The following KIAA1328 variants were observed in gnomAD, a reference collection of about 807,000 sequenced individuals.
KIAA1328 encodes protein hinderin.
KIAA1328 carries 52 observed loss-of-function variants against 68.1 expected under a neutral mutation model. The observed-to-expected ratio is 0.76, with a 90% CI of 0.61 to 0.96. The LOEUF (loss-of-function observed/expected upper bound fraction) is 0.96, where lower values mean the gene tolerates loss of function less well. Among genes scored for constraint, KIAA1328 ranks in the 40% least tolerant of loss-of-function variants. KIAA1328 has a pLI of 0.00. For missense variants in KIAA1328, 641 were observed against 677.6 expected, an observed-to-expected ratio of 0.95 and a Z score of 0.60; for synonymous variants, 232 against 239.4, an observed-to-expected ratio of 0.97 and a Z score of 0.28.
At chr18:37,059,370 T>G (rs1397175582) in intron 6 of KIAA1328, among the ~76,000 whole-genome samples, 1 of 151,714 alleles carries the variant, frequency 6.6e-6, no homozygotes, top group Non-Finnish European at 1.5e-5. Flanking sequence ...CATCAAAAAG[T>G]GGGCAAAGGG....
Position 37,224,559 on chromosome 18 carries a change from G to T in KIAA1328, c.*2332G>T. On this transcript the variant is annotated 3_prime_UTR_variant, in exon 10 of 10. Transcript: ENST00000280020. ...TAATCTAATGTCTTCATTATTAATTGAATAGTACATGTTAACATTTTAATC... is the reference window on the plus strand; with the variant it reads ...TAATCTAATGTCTTCATTATTAATTTAATAGTACATGTTAACATTTTAATC... 9.3e-6 allele frequency: 9 copies of T among 968,130 alleles called. No homozygotes were observed. Among genetic ancestry groups the T allele is most frequent in the Non-Finnish European group, 1.1e-5 (9 of 814,248 alleles). The allele number at this position is 968,130 out of a possible 1,614,324, so 60.0% of individuals were successfully genotyped here. A position where few individuals can be genotyped will look rare whatever the true frequency, so the allele number is the denominator to read the frequency against.
intron 6 of KIAA1328, among the ~76,000 whole-genome samples, chr18:36,976,801 C>G (rs1473645682): frequency 6.6e-6 from 1 of 152,078 alleles, no homozygotes; most frequent in Admixed American, 6.6e-5. Flanking sequence ...CTTAAGAATG[C>G]TGAGCAGAAG....
At chr18:36,949,338 A>G (rs1210376126) in intron 5 of KIAA1328, among the ~76,000 whole-genome samples, 2 of 152,238 alleles carry the variant, frequency 1.3e-5, no homozygotes, top group Admixed American at 1.3e-4. Context: ...GTGAATGCTG[A>G]AAATTTATAT....
At chr18:36,940,758 C>A (rs183370894) in intron 5 of KIAA1328, among the ~76,000 whole-genome samples, 2 of 151,226 alleles carry the variant, frequency 1.3e-5, no homozygotes, top group Non-Finnish European at 2.9e-5. Context: ...TCACTGCAAC[C>A]TCTGCCTCCC....
chr18:37,022,775 C>T (rs1254988852), intron 6 of KIAA1328, among the ~76,000 whole-genome samples: 5 of 152,078 alleles, frequency 3.3e-5, no homozygotes, highest in Admixed American at 1.3e-4. Flanking sequence ...TCTTCTACTG[C>T]GGTTTTGCTC....
chr18:37,031,719 A>G (rs1399739760), intron 6 of KIAA1328, among the ~76,000 whole-genome samples: 2 of 151,350 alleles, frequency 1.3e-5, no homozygotes, highest in Non-Finnish European at 3.0e-5. Context: ...TTTATTTTCT[A>G]TTTTTCACTG....
Position 37,222,756 on chromosome 18 carries a change from A to G in KIAA1328, c.*529A>G. The G allele has an allele frequency of 1.3e-5, 13 of 995,966 alleles. No individual in the cohort carries two copies. Among genetic ancestry groups the G allele is most frequent in the Non-Finnish European group, 1.6e-5 (13 of 836,812 alleles). The allele number at this position is 995,966 out of a possible 1,614,324, so 61.7% of individuals were successfully genotyped here. ...TGAAGTTGGAGTTGGTGCCCCTGCC[A>G]TCACAAACAACACGAGAGCCAATTG... On this transcript the variant is annotated 3_prime_UTR_variant, in exon 10 of 10. Transcript: ENST00000280020.
chr18:36,987,477 G>T (rs1159047835), intron 6 of KIAA1328, among the ~76,000 whole-genome samples: 3 of 100,388 alleles, frequency 3.0e-5, no homozygotes, highest in African/African-American at 8.4e-5. Context: ...CTAAAACTTA[G>T]AGTATAATAA....
chr18:36,975,130 C>CT (rs1215568896), intron 6 of KIAA1328, among the ~76,000 whole-genome samples: 1 of 150,204 alleles, frequency 6.7e-6, no homozygotes, highest in African/African-American at 2.5e-5. Context: ...CCATTGAACT[C>CT]TTTCAAAGCT....
downstream of KIAA1328, among the ~76,000 whole-genome samples, chr18:37,226,533 A>G (rs777616564): frequency 2.0e-5 from 3 of 151,926 alleles, no homozygotes; most frequent in Non-Finnish European, 4.4e-5. Flanking sequence ...GACATGTCAT[A>G]TTAATGAAAT....
At chr18:37,231,376 T>G (rs2060663324), downstream of KIAA1328, 1 of 152,182 alleles carries the variant, frequency 6.6e-6, no homozygotes, top group South Asian at 2.1e-4. Flanking sequence ...CCTTACAGGT[T>G]TGGTGCCTGG....
intron 5 of KIAA1328, among the ~76,000 whole-genome samples, chr18:36,956,177 ATAGT>A (rs1296358833): frequency 6.6e-6 from 1 of 152,166 alleles, no homozygotes; most frequent in African/African-American, 2.4e-5. Flanking sequence ...AATTAATGTG[ATAGT>A]TAGGTTTTGA....
chr18:37,186,116 T>G (rs916239597), intron 9 of KIAA1328, among the ~76,000 whole-genome samples: 1 of 148,672 alleles, frequency 6.7e-6, no homozygotes, highest in African/African-American at 2.5e-5. Flanking sequence ...TTTTTTTTTT[T>G]TGTGAGGCAG....
intron 6 of KIAA1328, among the ~76,000 whole-genome samples, chr18:37,000,656 CA>C (rs2053555660): frequency 3.7e-3 from 3 of 812 alleles, no homozygotes; most frequent in African/African-American, 0.014. Context: ...CTTCTCAGAC[CA>C]CAATGGAATA....
chr18:37,105,775 G>C (rs1479972074), intron 7 of KIAA1328, among the ~76,000 whole-genome samples: 1 of 151,202 alleles, frequency 6.6e-6, no homozygotes, highest in Admixed American at 6.6e-5. Flanking sequence ...AAATTAACTT[G>C]GCTTGGTGGC....
chr18:36,961,291 A>C (rs1403362828), intron 6 of KIAA1328, among the ~76,000 whole-genome samples: 1 of 152,212 alleles, frequency 6.6e-6, no homozygotes, highest in Admixed American at 6.5e-5. Context: ...AAACGAGCAA[A>C]GCCTCCAGCA....
At chr18:36,862,845 T>C (rs1444483449) in intron 4 of KIAA1328, among the ~76,000 whole-genome samples, 1 of 152,204 alleles carries the variant, frequency 6.6e-6, no homozygotes, top group African/African-American at 2.4e-5. Flanking sequence ...ATTTCTATTC[T>C]AGTCATTCTG....
chr18:36,962,568 G>A (rs566056160), intron 6 of KIAA1328, among the ~76,000 whole-genome samples: 10 of 152,252 alleles, frequency 6.6e-5, no homozygotes, highest in African/African-American at 2.2e-4. Flanking sequence ...TACGTAATTG[G>A]AAGTAAAGCA....
At chr18:37,096,321 T>C (rs1346712916) in intron 7 of KIAA1328, among the ~76,000 whole-genome samples, 6 of 152,172 alleles carry the variant, frequency 3.9e-5, no homozygotes, top group Non-Finnish European at 8.8e-5. Context: ...AGTGAGAACA[T>C]GCAGTGTTTG....
Sources: allele counts gnomAD v4.1 joint callset (sites outside exome capture counted in the v4.1 genomes callset), GRCh38; gene constraint gnomAD v4.1.1; transcripts MANE v1.5; gene names NCBI Gene and HGNC (gene_info 2026-07-23, HGNC 2026-07-21).